Variants in BCAS4 observed in about 807,000 individuals in gnomAD.
BCAS4 encodes the protein breast carcinoma amplified sequence 4.
BCAS4 carries 9 observed loss-of-function variants against 15.7 expected under a neutral mutation model. The observed-to-expected ratio is 0.57, with a 90% CI of 0.34 to 1.00. BCAS4 has a LOEUF of 1.00. Among genes scored for constraint, BCAS4 ranks in the 50% least tolerant of loss-of-function variants. The pLI, the probability that BCAS4 is intolerant of heterozygous loss-of-function variation, is 0.02. For synonymous variants in BCAS4, 101 were observed against 99.5 expected (o/e 1.02, Z -0.09); for missense variants, 225 against 239.1 (o/e 0.94, Z 0.39).
Position 50,876,652 on chromosome 20 carries a change from G to A in BCAS4, c.*44G>A, listed in dbSNP as rs1320050921. On this transcript the variant is annotated 3_prime_UTR_variant, in exon 5 of 5. Coordinates refer to ENST00000371608, the MANE Select transcript of BCAS4 (RefSeq NM_198799.4). ...CAGGAACGCTGGAAAGTGACATTGT[G>A]TACACACTGCAGCTTGGGGGTTTTT... 1.9e-6 allele frequency: 3 copies of A among 1,592,112 alleles called. No individual in the cohort carries two copies. Among genetic ancestry groups the A allele is most frequent in the East Asian group, 4.5e-5 (2 of 44,478 alleles).
chr20:50,827,143 G>T (rs1168949060), intron 2 of BCAS4, among the ~76,000 whole-genome samples: 1 of 152,204 alleles, frequency 6.6e-6, no homozygotes, highest in Admixed American at 6.5e-5. Flanking sequence ...CCAGTCTAAG[G>T]TGCCACATGG....
intron 3 of BCAS4, among the ~76,000 whole-genome samples, chr20:50,841,475 G>A (rs2088480977): frequency 6.6e-6 from 1 of 152,162 alleles, no homozygotes; most frequent in South Asian, 2.1e-4. Flanking sequence ...CTTTGAGCAG[G>A]TGACCCAGCC....
In BCAS4 at chr20:50,840,441, G is replaced by A. The variant is rs567348631; in HGVS notation, c.265-1325G>A. On this transcript the variant is annotated intron_variant, in intron 3 of 4. Transcript: ENST00000371608. Reference sequence around the variant, plus strand: ...TCCCTGCCAGCCAGATAGACAGATGGGAGAGGCAGTCGCGGCCTTCGTTGT... The same window carrying A: ...TCCCTGCCAGCCAGATAGACAGATGAGAGAGGCAGTCGCGGCCTTCGTTGT... The A allele has an allele frequency of 5.4e-4, 418 of 780,642 alleles. 7 individuals carry two copies. The South Asian group carries it at 5.8e-3, about 11-fold the overall frequency. The allele number at this position is 780,642 out of a possible 1,614,324, so 48.4% of individuals were successfully genotyped here. A position where few individuals can be genotyped will look rare whatever the true frequency, so the allele number is the denominator to read the frequency against.
intron 1 of BCAS4, among the ~76,000 whole-genome samples, chr20:50,814,935 C>T (rs2088120084): frequency 6.6e-6 from 1 of 152,052 alleles, no homozygotes; most frequent in Non-Finnish European, 1.5e-5. Flanking sequence ...TAGTGAGACC[C>T]CTGTCTCTGC....
At chr20:50,818,475 C>A (rs994554481) in intron 2 of BCAS4, among the ~76,000 whole-genome samples, 193 bp downstream of exon 2, 1 of 152,226 alleles carries the variant, frequency 6.6e-6, no homozygotes, top group African/African-American at 2.4e-5. Flanking sequence ...TCTCACTCAA[C>A]CCCAAGTGCT....
intron 1 of BCAS4, among the ~76,000 whole-genome samples, chr20:50,797,090 A>C (rs2087874976): frequency 6.6e-6 from 1 of 152,086 alleles, no homozygotes; most frequent in Admixed American, 6.6e-5. Context: ...CTTTGGCCTC[A>C]GCCTCCCAAA....
chr20:50,836,201 C>A (rs887510805), intron 3 of BCAS4, among the ~76,000 whole-genome samples: 2 of 152,206 alleles, frequency 1.3e-5, no homozygotes, highest in African/African-American at 4.8e-5. Flanking sequence ...CCGGCGTGAG[C>A]CACTGCGCCT....
chr20:50,816,907 C>T (rs533381268), intron 1 of BCAS4, among the ~76,000 whole-genome samples: 9 of 144,798 alleles, frequency 6.2e-5, no homozygotes, highest in African/African-American at 2.1e-4. Context: ...CGGGTTCAAG[C>T]GATTCTCTTG....
At chr20:50,872,862 GCCTTCTGTCTGGTCTTCCA>G (rs1362024048) in intron 4 of BCAS4, among the ~76,000 whole-genome samples, 1 of 152,248 alleles carries the variant, frequency 6.6e-6, no homozygotes, top group Non-Finnish European at 1.5e-5. Flanking sequence ...AGCCTCTGCA[GCCTTCTGTCTGGTCTTCCA>G]GGCCAGTGGC....
rs1258969827 is a variant in BCAS4, at chr20:50,841,800, T to C, written c.299T>C (p.Phe100Ser). The change falls in exon 4 of 5, where the codon TTC (phenylalanine) becomes TCC (serine). Residue 100 changes from phenylalanine (F) to serine (S), a missense_variant. By Grantham distance (155) the Phe-to-Ser change is radical. Transcript: ENST00000371608. ...AAGATGGTTGGACACCACGTCGCCTTCCTGGAAGCAGACGTGCTTCAGGCT... is the reference window on the plus strand; with the variant it reads ...AAGATGGTTGGACACCACGTCGCCTCCCTGGAAGCAGACGTGCTTCAGGCT... ...FVKMVGHHVA[F>S]LEADVLQAER... is the part of the protein sequence containing the mutation. 6.2e-7 allele frequency: 1 copy of C among 1,613,806 alleles called. No individual in the cohort carries two copies. Among genetic ancestry groups the C allele is most frequent in the African/African-American group, 1.3e-5 (1 of 74,916 alleles).
intron 1 of BCAS4, among the ~76,000 whole-genome samples, chr20:50,806,704 A>AT (rs2087993627): frequency 6.6e-6 from 1 of 151,256 alleles, no homozygotes; most frequent in Non-Finnish European, 1.5e-5. Flanking sequence ...TATTATTATT[A>AT]TTTTTTAATT....
intron 4 of BCAS4, among the ~76,000 whole-genome samples, chr20:50,847,375 C>A (rs1260978211): frequency 6.6e-6 from 1 of 152,192 alleles, no homozygotes; most frequent in African/African-American, 2.4e-5. Context: ...GTGTGAGCCG[C>A]TGCACCCGGT....
chr20:50,813,040 A>G (rs1386465602), intron 1 of BCAS4, among the ~76,000 whole-genome samples: 1 of 151,668 alleles, frequency 6.6e-6, no homozygotes. Context: ...GATGGCCTTG[A>G]ACTCCTGGGC....
chr20:50,808,473 T>G (rs1275112578), intron 1 of BCAS4, among the ~76,000 whole-genome samples: 2 of 152,200 alleles, frequency 1.3e-5, no homozygotes, highest in Non-Finnish European at 2.9e-5. Flanking sequence ...ACATTCCCAC[T>G]AACAGTGTAA....
intron 3 of BCAS4, among the ~76,000 whole-genome samples, chr20:50,838,318 A>AG (rs1356975640): frequency 6.6e-6 from 1 of 152,218 alleles, no homozygotes; most frequent in East Asian, 1.9e-4. Flanking sequence ...TAAGAATTTC[A>AG]GAGGGCAATG....
chr20:50,827,186 G>T (rs1398266041), intron 2 of BCAS4, among the ~76,000 whole-genome samples: 1 of 152,170 alleles, frequency 6.6e-6, no homozygotes, highest in Non-Finnish European at 1.5e-5. Flanking sequence ...AGTCTATTCC[G>T]GTCTGTGACA....
At chr20:50,843,670 G>T (rs556148862) in intron 4 of BCAS4, among the ~76,000 whole-genome samples, 7 of 152,212 alleles carry the variant, frequency 4.6e-5, no homozygotes, top group Non-Finnish European at 1.0e-4. Flanking sequence ...AACTCCTCTT[G>T]CTCCTTCAGA....
chr20:50,855,576 T>TGGAAGG (rs200685433), intron 4 of BCAS4, among the ~76,000 whole-genome samples: 2,481 of 152,008 alleles, frequency 0.016, 53 homozygotes, highest in African/African-American at 0.057. Context: ...CTCCTCAGAC[T>TGGAAGG]GGAAGGGGAA....
intron 1 of BCAS4, among the ~76,000 whole-genome samples, chr20:50,811,783 T>C (rs1457405059): frequency 6.6e-6 from 1 of 151,892 alleles, no homozygotes; most frequent in East Asian, 1.9e-4. Context: ...CCACCAGGCC[T>C]GGCTAACTTT....
Sources: gnomAD v4.1 joint callset for allele counts (sites outside exome capture counted in the v4.1 genomes callset) on GRCh38, gnomAD v4.1.1 for gene constraint, MANE v1.5 for transcripts, NCBI Gene and HGNC (gene_info 2026-07-23, HGNC 2026-07-21) for gene names.